Variants in QTRT1 observed in about 807,000 individuals in gnomAD.
QTRT1 encodes queuine tRNA-ribosyltransferase catalytic subunit 1, also known as TGT, 43-KD subunit.
A neutral mutation model predicts 44.0 loss-of-function variants in QTRT1; 41 were observed. The ratio of observed to expected loss-of-function variants is 0.93; its 90% CI spans 0.73 to 1.21. The LOEUF is 1.21. Ranked by LOEUF, QTRT1 falls within the 50% of genes most tolerant of loss-of-function variation. QTRT1 has a pLI of 0.00. For synonymous variants in QTRT1, 226 were observed against 237.1 expected (o/e 0.95, Z 0.43); for missense variants, 542 against 575.8 (o/e 0.94, Z 0.60).
At position 10,712,281 on chromosome 19, in the gene QTRT1, G is replaced by A. The variant is rs774493372; in HGVS notation, c.767G>A (p.Arg256Gln). ...TCTCGGCTGCCGAAGGACAAGCCCC[G>A]ATATCTGATGGGGGTTGGGTATGTT... ...STSRLPKDKP[R>Q]YLMGVGYATD... Residue 256 changes from arginine (R) to glutamine (Q), a missense_variant, in exon 6 of 10, where the codon CGA becomes CAA. By Grantham distance (43) the Arg-to-Gln change is conservative. Transcript: ENST00000250237. This position sits in a 1 kb window ranked among gnomAD's most constrained non-coding sequence, Gnocchi z 5.6. 6 of 1,612,912 alleles carry A rather than the reference G, an allele frequency of 3.7e-6. No individual in the cohort carries two copies. The highest frequency in any genetic ancestry group is 5.1e-6 in the Non-Finnish European group (6 of 1,179,442).
At chr19:10,702,529 C>T (rs971585599) in intron 3 of QTRT1, among the ~76,000 whole-genome samples, 6 of 152,090 alleles carry the variant, frequency 3.9e-5, no homozygotes, top group East Asian at 3.9e-4. Flanking sequence ...TAAGACTGGA[C>T]GTGGAAGCTC....
chr19:10,712,696 T>TGG lies in QTRT1; in HGVS notation c.862-57_862-56dup, dbSNP rs2068744521. 2.0e-6 allele frequency: 1 copy of TGG among 507,352 alleles called. No homozygotes were observed. Among genetic ancestry groups the TGG allele is most frequent in the African/African-American group, 3.8e-5 (1 of 26,380 alleles). 31.4% of individuals were successfully genotyped at this position (507,352 alleles called of 1,614,324 possible). On this transcript the variant is annotated intron_variant, in intron 7 of 9. Transcript: ENST00000250237. The surrounding 1 kb of genome is among the most constrained non-coding windows in gnomAD (Gnocchi z 5.6). ...GGGACTAGGGAGGCAAGGTTAGGGG[T>TGG]GGGGGGTGGGGAGAATGAAGCCCTG...
intron 5 of QTRT1, chr19:10,709,392 G>A (rs2068728647): frequency 6.6e-6 from 1 of 152,144 alleles, no homozygotes; most frequent in African/African-American, 2.4e-5. Context: ...GACCAGTCTG[G>A]GTGACATAGT....
chr19:10,711,053 G>A (rs997533616), intron 5 of QTRT1: 7 of 152,186 alleles, frequency 4.6e-5, no homozygotes, highest in African/African-American at 1.7e-4. Flanking sequence ...AGCCCCGCAT[G>A]CGTTATGTAT....
At position 10,712,509 on chromosome 19, in the gene QTRT1, C is replaced by G; in HGVS notation, c.786-44C>G. 6.4e-7 allele frequency: 1 copy of G among 1,564,968 alleles called. No individual in the cohort carries two copies. Among genetic ancestry groups the G allele is most frequent in the South Asian group, 1.1e-5 (1 of 90,102 alleles). On this transcript the variant is annotated intron_variant, in intron 6 of 9. Transcript: ENST00000250237. This position sits in a 1 kb window ranked among gnomAD's most constrained non-coding sequence, Gnocchi z 5.6. ...GAGGGTTGGGAGGGGCCCTGGGAAG[C>G]CCCTGAGGTTCTCTGCCCCCTCCCG...
intron 3 of QTRT1, among the ~76,000 whole-genome samples, chr19:10,706,027 T>G (rs142238940): frequency 0.027 from 4,081 of 151,230 alleles, 77 homozygotes; most frequent in Non-Finnish European, 0.044. Context: ...GCTAATTTTT[T>G]GTATTTTTAG....
rs2068748749 is a variant in QTRT1 at position 10,713,299 on chromosome 19, G to A, written c.*29G>A. On this transcript the variant is annotated 3_prime_UTR_variant, in exon 10 of 10. Coordinates refer to ENST00000250237, the MANE Select transcript of QTRT1 (RefSeq NM_031209.3). The surrounding 1 kb of genome is among the most constrained non-coding windows in gnomAD (Gnocchi z 4.3). ...GGCATTGGGAGAGGGAGGGAGGAAG[G>A]AAGGGAGGGAGGGGCTGGAAGATAC... The A allele has an allele frequency of 1.3e-6, 2 of 1,578,336 alleles. No individual in the cohort carries two copies. The highest frequency in any genetic ancestry group is 2.3e-5 in the South Asian group (2 of 86,750).
rs765216154 is a variant in QTRT1 at position 10,712,787 on chromosome 19, G to A, written c.891G>A (p.Gly297=). 2.5e-6 allele frequency: 4 copies of A among 1,614,076 alleles called. No individual in the cohort carries two copies. The Admixed American group carries it at 6.7e-5, about 27-fold the overall frequency. The change falls in exon 8 of 10, where the codon GGG becomes GGA. Residue 297 remains glycine (G), a synonymous_variant. Coordinates refer to ENST00000250237, the MANE Select transcript of QTRT1 (RefSeq NM_031209.3). The surrounding 1 kb of genome is among the most constrained non-coding windows in gnomAD (Gnocchi z 5.6). ...TTGGCTCTGCCCTGGTGCCCACTGGGAACCTGCAGTTGAGGAAGAAGGTGT... is the reference window on the plus strand; with the variant it reads ...TTGGCTCTGCCCTGGTGCCCACTGGAAACCTGCAGTTGAGGAAGAAGGTGT... ...ARFGSALVPT[G]NLQLRKKVFE...
chr19:10,712,064 C>T lies in QTRT1; in HGVS notation c.647-97C>T. 1.3e-6 allele frequency: 2 copies of T among 1,498,368 alleles called. No homozygotes were observed. The highest frequency in any genetic ancestry group is 1.8e-6 in the Non-Finnish European group (2 of 1,088,320). The allele number at this position is 1,498,368 out of a possible 1,614,324, so 92.8% of individuals were successfully genotyped here. ...CTCTGTCTGTTTCTCTGACTCTCTCCCTGAGCGACTCTGGAAGTCTGGGCA... is the reference window on the plus strand; with the variant it reads ...CTCTGTCTGTTTCTCTGACTCTCTCTCTGAGCGACTCTGGAAGTCTGGGCA... On this transcript the variant is annotated intron_variant, in intron 5 of 9. Transcript: ENST00000250237. This position sits in a 1 kb window ranked among gnomAD's most constrained non-coding sequence, Gnocchi z 5.6.
intron 1 of QTRT1, 58 bp downstream of exon 1, chr19:10,701,761 G>T: frequency 6.4e-7 from 1 of 1,557,008 alleles, no homozygotes. Context: ...GGGGAGCCAT[G>T]GAGCGTCCTC....
chr19:10,707,252 C>G, intron 3 of QTRT1, 50 bp from the exon 4 acceptor site: 1 of 1,592,484 alleles, frequency 6.3e-7, no homozygotes, highest in South Asian at 1.1e-5. Flanking sequence ...GCAGGCTTTC[C>G]CCAAGCATTG....
At chr19:10,702,360 C>G in intron 3 of QTRT1, 106 bp downstream of exon 3, 1 of 1,296,696 alleles carries the variant, frequency 7.7e-7, no homozygotes, top group Non-Finnish European at 1.1e-6. Flanking sequence ...GGTCACTCCT[C>G]GCTGAGCTTC....
At position 10,712,673 on chromosome 19, in the gene QTRT1, G is replaced by T; in HGVS notation, c.861+45G>T. 9.5e-7 allele frequency: 1 copy of T among 1,049,840 alleles called. No individual in the cohort carries two copies. The highest frequency in any genetic ancestry group is 1.4e-6 in the Non-Finnish European group (1 of 740,464). The allele number at this position is 1,049,840 out of a possible 1,614,324, so 65.0% of individuals were successfully genotyped here. A position where few individuals can be genotyped will look rare whatever the true frequency, so the allele number is the denominator to read the frequency against. ...AGGTCAGGGCGGGAGACGGGTGGGG[G>T]ACTAGGGAGGCAAGGTTAGGGGTGG... On this transcript the variant is annotated intron_variant, in intron 7 of 9. Coordinates refer to ENST00000250237, the MANE Select transcript of QTRT1 (RefSeq NM_031209.3). The surrounding 1 kb of genome is among the most constrained non-coding windows in gnomAD (Gnocchi z 5.6).
chr19:10,707,428 C>T, intron 4 of QTRT1, 48 bp downstream of exon 4: 1 of 1,609,626 alleles, frequency 6.2e-7, no homozygotes, highest in Non-Finnish European at 8.5e-7. Flanking sequence ...GGGAGGGGAT[C>T]CTGGTCCCTG....
At chr19:10,710,554 A>G (rs1398753195) in intron 5 of QTRT1, among the ~76,000 whole-genome samples, 1 of 151,912 alleles carries the variant, frequency 6.6e-6, no homozygotes, top group Non-Finnish European at 1.5e-5. Flanking sequence ...TGACCTCGTG[A>G]TCCACCTGCC....
At chr19:10,705,848 T>G (rs1157953844) in intron 3 of QTRT1, among the ~76,000 whole-genome samples, 1 of 118,470 alleles carries the variant, frequency 8.4e-6, no homozygotes, top group African/African-American at 3.3e-5. Context: ...TTCTTTTTTT[T>G]TTTTTTTTTT....
Position 10,701,500 on chromosome 19 carries a change from C to A in QTRT1, c.40C>A (p.Pro14Thr). The A allele has an allele frequency of 6.3e-7, 1 of 1,586,390 alleles. No individual in the cohort carries two copies. The highest frequency in any genetic ancestry group is 8.6e-7 in the Non-Finnish European group (1 of 1,163,176). The change falls in exon 1 of 10, where the codon CCA (proline) becomes ACA (threonine). Residue 14 changes from proline (P) to threonine (T), a missense_variant. Physicochemically the swap from Pro to Thr is conservative, Grantham distance 38 (BLOSUM62 -1). Coordinates refer to ENST00000250237, the MANE Select transcript of QTRT1 (RefSeq NM_031209.3). ...TACCCAGGCTTCCCTGGAGTCGGCC[C>A]CACGGATCATGCGGCTGGTGGCCGA... ...AATQASLESA[P>T]RIMRLVAECS... is the part of the protein sequence containing the mutation.
chr19:10,707,616 G>A lies in QTRT1; in HGVS notation c.646+1G>A. 6.3e-7 allele frequency: 1 copy of A among 1,593,612 alleles called. No homozygotes were observed. The highest frequency in any genetic ancestry group is 1.7e-4 in the Middle Eastern group (1 of 5,992). ...GATCTCCGGGCCACCTGCCTTGAAGGTAGAGCCATGCGCTGGCAGGCCCAG... is the reference window on the plus strand; with the variant it reads ...GATCTCCGGGCCACCTGCCTTGAAGATAGAGCCATGCGCTGGCAGGCCCAG... On this transcript the variant is annotated splice_donor_variant, in intron 5 of 9. Transcript: ENST00000250237. LOFTEE classifies it high-confidence loss of function.
At chr19:10,704,869 G>A (rs1041233634) in intron 3 of QTRT1, among the ~76,000 whole-genome samples, 4 of 151,606 alleles carry the variant, frequency 2.6e-5, no homozygotes, top group Admixed American at 2.6e-4. Flanking sequence ...TTACAGGTGT[G>A]AGCCACCATG....
Sources: gnomAD v4.1 joint callset for allele counts (sites outside exome capture counted in the v4.1 genomes callset) on GRCh38, gnomAD v4.1.1 for gene constraint, Gnocchi (gnomAD v3.1) non-coding constraint, MANE v1.5 for transcripts, NCBI Gene and HGNC (gene_info 2026-07-23, HGNC 2026-07-21) for gene names.